NDRG3: variants seen among roughly 807,000 people sequenced by gnomAD.
The protein encoded by NDRG3 is protein NDRG3.
A neutral mutation model predicts 57.2 loss-of-function variants in NDRG3; 23 were observed. The ratio of observed to expected loss-of-function variants is 0.40; its 90% CI spans 0.29 to 0.57. The LOEUF is 0.57. Ranked by LOEUF, NDRG3 falls within the 20% of genes least tolerant of loss-of-function variation. NDRG3 has a pLI of 0.42. For missense variants in NDRG3, 384 were observed against 457.3 expected, an observed-to-expected ratio of 0.84 and a Z score of 1.46; for synonymous variants, 132 against 162.6, an observed-to-expected ratio of 0.81 and a Z score of 1.43.
chr20:36,683,134 C>T (rs1242232939), intron 6 of NDRG3, among the ~76,000 whole-genome samples: 1 of 151,382 alleles, frequency 6.6e-6, no homozygotes, highest in Non-Finnish European at 1.5e-5. Context: ...GTCCCAGCTG[C>T]TCGGGAGGCT....
intron 3 of NDRG3, chr20:36,700,575 G>C: frequency 2.1e-6 from 1 of 483,380 alleles, no homozygotes; most frequent in South Asian, 1.6e-5. Flanking sequence ...GTAACGTGCT[G>C]TTGCTACCTT....
intron 7 of NDRG3, among the ~76,000 whole-genome samples, chr20:36,682,248 G>A (rs1038717806): frequency 2.6e-5 from 4 of 151,882 alleles, no homozygotes; most frequent in East Asian, 1.9e-4. Flanking sequence ...AAAGCTTTTC[G>A]TAAACTTAAT....
chr20:36,736,187 G>A (rs894740796), intron 1 of NDRG3, among the ~76,000 whole-genome samples: 2 of 152,074 alleles, frequency 1.3e-5, no homozygotes, highest in Non-Finnish European at 2.9e-5. Context: ...TGTTGTCCAC[G>A]TAGTTATCTT....
At position 36,711,278 on chromosome 20, in the gene NDRG3, C is replaced by CA. The variant is rs538568446; in HGVS notation, c.58-4272dup. Among the ~76,000 whole-genome samples the CA allele has an allele frequency of 4.6e-4, 65 of 141,866 alleles. No homozygotes were observed. The South Asian group carries it at 8.7e-3, about 19-fold the overall frequency. The allele number at this position is 141,866 out of a possible 152,430, so 93.1% of individuals were successfully genotyped here. On this transcript the variant is annotated intron_variant, in intron 2 of 15. Transcript: ENST00000349004. ...TGGGCGACAGTGCGAGACTCCGTCTCAAAAAAAAAATAATAATAATAAATA... is the reference window on the plus strand; with the variant it reads ...TGGGCGACAGTGCGAGACTCCGTCTCAAAAAAAAAAATAATAATAATAAATA...
At chr20:36,707,657 C>T (rs565470008) in intron 2 of NDRG3, among the ~76,000 whole-genome samples, 41 of 151,938 alleles carry the variant, frequency 2.7e-4, no homozygotes, top group Non-Finnish European at 4.9e-4. Flanking sequence ...GTCAAAAAAT[C>T]GATGGAGAAT....
chr20:36,712,648 T>C lies in NDRG3; in HGVS notation c.58-5641A>G, dbSNP rs1362676001. 3.8e-5 allele frequency among the ~76,000 whole-genome samples: 5 copies of C among 130,050 alleles called. No homozygotes were observed. The Admixed American group carries it at 4.4e-4, about 11-fold the overall frequency. 85.3% of individuals were successfully genotyped at this position (130,050 alleles called of 152,430 possible). On this transcript the variant is annotated intron_variant, in intron 2 of 15. Transcript: ENST00000349004. Reference sequence around the variant, plus strand: ...TCTTGATCTGCTGCCCAGGCTGGAGTGCAGCGGCATAATCTCCATTCACTG... The same window carrying C: ...TCTTGATCTGCTGCCCAGGCTGGAGCGCAGCGGCATAATCTCCATTCACTG...
At chr20:36,659,615 T>A (rs890473593) in intron 13 of NDRG3, among the ~76,000 whole-genome samples, 1 of 152,122 alleles carries the variant, frequency 6.6e-6, no homozygotes, top group Non-Finnish European at 1.5e-5. Context: ...GTTTATTTAT[T>A]TTTGAGATGG....
chr20:36,733,693 T>A (rs1210112968), intron 1 of NDRG3, among the ~76,000 whole-genome samples: 4 of 148,102 alleles, frequency 2.7e-5, no homozygotes, highest in African/African-American at 1.0e-4. Context: ...CGAGACTCCA[T>A]CTCAAAAAAA....
chr20:36,739,245 G>A (rs555898825), intron 1 of NDRG3, among the ~76,000 whole-genome samples: 2 of 138,928 alleles, frequency 1.4e-5, no homozygotes, highest in African/African-American at 2.7e-5. Context: ...TCAGGAGATC[G>A]AGACCAGCCT....
chr20:36,739,133 T>TTAAAAA (rs1568676736), intron 1 of NDRG3, among the ~76,000 whole-genome samples: 952 of 31,514 alleles, frequency 0.03, 377 homozygotes, highest in Non-Finnish European at 0.042. Flanking sequence ...AGACCCCATC[T>TTAAAAA]CAAAAAAAAA....
At chr20:36,679,701 G>A (rs6028725) in intron 8 of NDRG3, among the ~76,000 whole-genome samples, 9,642 of 150,332 alleles carry the variant, frequency 0.064, 1,066 homozygotes, top group African/African-American at 0.22. Flanking sequence ...ACGGAGTTTC[G>A]CCATGTTGGC....
chr20:36,738,925 A>G (rs1985758456), intron 1 of NDRG3, among the ~76,000 whole-genome samples: 1 of 147,102 alleles, frequency 6.8e-6, no homozygotes. Context: ...GGAGTTCAAG[A>G]CCAGTCTGGC....
intron 13 of NDRG3, among the ~76,000 whole-genome samples, chr20:36,659,676 C>T (rs528463207): frequency 6.6e-6 from 1 of 152,188 alleles, no homozygotes; most frequent in South Asian, 2.1e-4. Context: ...TCTCAGCTCA[C>T]TGCAACCTCC....
At chr20:36,708,677 A>G (rs1983694418) in intron 2 of NDRG3, among the ~76,000 whole-genome samples, 1 of 151,946 alleles carries the variant, frequency 6.6e-6, no homozygotes, top group South Asian at 2.1e-4. Flanking sequence ...GAAAAAGAAA[A>G]AAAGAAATAG....
chr20:36,681,697 T>C (rs990521088), intron 7 of NDRG3, among the ~76,000 whole-genome samples: 1 of 151,798 alleles, frequency 6.6e-6, no homozygotes, highest in Non-Finnish European at 1.5e-5. Context: ...TTTAATTTAA[T>C]TTAATTTAAT....
intron 3 of NDRG3, chr20:36,700,299 A>G (rs1379428605): frequency 3.6e-6 from 1 of 278,382 alleles, no homozygotes; most frequent in Admixed American, 5.1e-5. Context: ...AAAAGTATCC[A>G]AGAGTCCTAG....
intron 1 of NDRG3, among the ~76,000 whole-genome samples, chr20:36,722,257 T>C (rs189173120): frequency 6.6e-6 from 1 of 152,210 alleles, no homozygotes. Context: ...AGGAACTGAA[T>C]GCTGCCAACA....
chr20:36,720,330 G>A (rs936260220), intron 2 of NDRG3, among the ~76,000 whole-genome samples: 2 of 151,200 alleles, frequency 1.3e-5, no homozygotes, highest in African/African-American at 4.8e-5. Flanking sequence ...GCACCACCAC[G>A]CCCAGCTAAT....
In NDRG3 at chr20:36,671,485, A is replaced by G. The variant is rs1980156056; in HGVS notation, c.532-88T>C. Reference sequence around the variant, plus strand: ...AATTAAAATGAGTGCACTTTATTATATATGTTATCTCTTTAAAAACAAATG... The same window carrying G: ...AATTAAAATGAGTGCACTTTATTATGTATGTTATCTCTTTAAAAACAAATG... On this transcript the variant is annotated intron_variant, in intron 8 of 15. Coordinates refer to ENST00000349004, the MANE Select transcript of NDRG3 (RefSeq NM_032013.4). 2.7e-5 allele frequency: 26 copies of G among 949,074 alleles called. No homozygotes were observed. The Middle Eastern group carries it at 2.5e-3, about 90-fold the overall frequency. The allele number at this position is 949,074 out of a possible 1,614,324, so 58.8% of individuals were successfully genotyped here. A position where few individuals can be genotyped will look rare whatever the true frequency, so the allele number is the denominator to read the frequency against.
Sources: allele counts gnomAD v4.1 joint callset (sites outside exome capture counted in the v4.1 genomes callset), GRCh38; gene constraint gnomAD v4.1.1; transcripts MANE v1.5; gene names NCBI Gene and HGNC (gene_info 2026-07-23, HGNC 2026-07-21).